Variants in CNBD1 observed in about 807,000 individuals in gnomAD.
The protein encoded by CNBD1 is cyclic nucleotide-binding domain-containing protein 1.
CNBD1 carries 71 observed loss-of-function variants against 54.4 expected under a neutral mutation model. The observed-to-expected ratio is 1.30, with a 90% CI of 1.08 to 1.59. The LOEUF (loss-of-function observed/expected upper bound fraction) is 1.59. CNBD1 is among the 40% of genes most tolerant of loss of function. The probability of loss-of-function intolerance (pLI) is 0.00; values close to 1 mark genes in which losing one functional copy is unlikely to be tolerated. For synonymous variants in CNBD1, 182 were observed against 170.7 expected, an observed-to-expected ratio of 1.07 and a Z score of -0.51; for missense variants, 659 against 518.0, an observed-to-expected ratio of 1.27 and a Z score of -2.64.
intron 4 of CNBD1, among the ~76,000 whole-genome samples, chr8:86,964,845 C>A (rs1404972188): frequency 2.6e-5 from 4 of 152,182 alleles, no homozygotes; most frequent in Admixed American, 1.3e-4. Context: ...AAGGCTGAAT[C>A]AATCCCACAA....
chr8:87,386,991 A>C (rs967559553), downstream of CNBD1, among the ~76,000 whole-genome samples: 1 of 152,234 alleles, frequency 6.6e-6, no homozygotes, highest in Non-Finnish European at 1.5e-5. Flanking sequence ...CCAGTATTTT[A>C]TATCCAGCCA....
At chr8:86,998,780 C>T (rs1808933157) in intron 4 of CNBD1, among the ~76,000 whole-genome samples, 1 of 152,134 alleles carries the variant, frequency 6.6e-6, no homozygotes, top group South Asian at 2.1e-4. Context: ...ACAGATCAAC[C>T]AGATCAACCA....
chr8:87,414,057 A>C (rs1300198327), intron 2 of CNBD1, among the ~76,000 whole-genome samples: 1 of 152,178 alleles, frequency 6.6e-6, no homozygotes, highest in Admixed American at 6.5e-5. Flanking sequence ...ATGATACTAT[A>C]AAGACACATG....
intron 1 of CNBD1, among the ~76,000 whole-genome samples, chr8:86,879,738 G>A (rs571074002): frequency 2.6e-5 from 4 of 152,220 alleles, no homozygotes; most frequent in African/African-American, 9.6e-5. Context: ...TGGACATGGT[G>A]GCGGGCGCCT....
chr8:86,895,925 C>G (rs1808841385), intron 2 of CNBD1, among the ~76,000 whole-genome samples: 1 of 152,052 alleles, frequency 6.6e-6, no homozygotes, highest in South Asian at 2.1e-4. Flanking sequence ...AATGTTTATT[C>G]ATGTCCTTTG....
intron 4 of CNBD1, among the ~76,000 whole-genome samples, chr8:86,952,227 T>A (rs2130450004): frequency 6.6e-6 from 1 of 152,262 alleles, no homozygotes; most frequent in East Asian, 1.9e-4. Context: ...CCTGACCACT[T>A]TGGGCACATG....
chr8:86,990,916 A>G (rs1808730934), intron 4 of CNBD1, among the ~76,000 whole-genome samples: 1 of 151,892 alleles, frequency 6.6e-6, no homozygotes, highest in Non-Finnish European at 1.5e-5. Context: ...TCTTTGGTAA[A>G]TTTCTATGTA....
chr8:86,918,248 A>G (rs1809218240), intron 3 of CNBD1, among the ~76,000 whole-genome samples: 2 of 152,144 alleles, frequency 1.3e-5, no homozygotes, highest in South Asian at 2.1e-4. Context: ...ATTTGTAAAC[A>G]TGCTTTCTTA....
At chr8:87,178,162 A>G (rs1236326142) in intron 4 of CNBD1, among the ~76,000 whole-genome samples, 2 of 152,222 alleles carry the variant, frequency 1.3e-5, no homozygotes, top group Non-Finnish European at 2.9e-5. Context: ...AATACAGACC[A>G]TCTTCATTCT....
At chr8:87,027,824 A>G (rs1809683755) in intron 4 of CNBD1, among the ~76,000 whole-genome samples, 1 of 152,242 alleles carries the variant, frequency 6.6e-6, no homozygotes, top group East Asian at 1.9e-4. Context: ...ATTTCCCATT[A>G]CTGTATCAAA....
intron 2 of CNBD1, among the ~76,000 whole-genome samples, chr8:86,892,885 T>G (rs1393065513): frequency 6.6e-6 from 1 of 152,194 alleles, no homozygotes; most frequent in Non-Finnish European, 1.5e-5. Context: ...TAATTAGACA[T>G]GTATTTTTGT....
intron 2 of CNBD1, among the ~76,000 whole-genome samples, chr8:87,411,248 T>A (rs905846781): frequency 6.6e-6 from 1 of 151,752 alleles, no homozygotes; most frequent in South Asian, 2.1e-4. Flanking sequence ...TTCTGGCATA[T>A]AGTTGAAGCT....
chr8:87,345,337 C>T (rs1009360597), intron 8 of CNBD1, among the ~76,000 whole-genome samples: 1 of 152,098 alleles, frequency 6.6e-6, no homozygotes, highest in Non-Finnish European at 1.5e-5. Context: ...TTATTTGAAA[C>T]ATTTCCCTTT....
chr8:87,081,500 T>A (rs942167673), intron 4 of CNBD1, among the ~76,000 whole-genome samples: 35 of 143,654 alleles, frequency 2.4e-4, no homozygotes, highest in African/African-American at 8.6e-4. Flanking sequence ...TTTTTTGTTT[T>A]TTTTGTTTTT....
intron 2 of CNBD1, among the ~76,000 whole-genome samples, chr8:86,899,260 G>A (rs1486247600): frequency 1.3e-5 from 2 of 151,892 alleles, no homozygotes; most frequent in East Asian, 3.9e-4. Flanking sequence ...TACGATATGA[G>A]GATTATAGGT....
chr8:87,296,611 A>G (rs1007395440), intron 8 of CNBD1, among the ~76,000 whole-genome samples: 1 of 77,258 alleles, frequency 1.3e-5, no homozygotes, highest in Non-Finnish European at 3.1e-5. Flanking sequence ...TTTGGTATAT[A>G]TATATACACA....
intron 4 of CNBD1, among the ~76,000 whole-genome samples, chr8:87,125,455 C>G (rs533884851): frequency 6.6e-6 from 1 of 151,834 alleles, no homozygotes; most frequent in Middle Eastern, 3.4e-3. Flanking sequence ...AAACAGTATC[C>G]AAAACCCATA....
intron 10 of CNBD1, among the ~76,000 whole-genome samples, chr8:87,359,089 G>A (rs1015891680): frequency 6.6e-6 from 1 of 152,092 alleles, no homozygotes; most frequent in Non-Finnish European, 1.5e-5. Flanking sequence ...AGTCAAGGTG[G>A]CACATAAAGT....
At chr8:87,003,007 T>A (rs1317124065) in intron 4 of CNBD1, among the ~76,000 whole-genome samples, 1 of 152,170 alleles carries the variant, frequency 6.6e-6, no homozygotes, top group Non-Finnish European at 1.5e-5. Flanking sequence ...CCTTTTCCCT[T>A]GAAGCAATGA....
Sources: gnomAD v4.1 joint callset for allele counts (sites outside exome capture counted in the v4.1 genomes callset) on GRCh38, gnomAD v4.1.1 for gene constraint, MANE v1.5 for transcripts, NCBI Gene and HGNC (gene_info 2026-07-23, HGNC 2026-07-21) for gene names.